The following ACADM variants were observed in gnomAD, a reference collection of about 807,000 sequenced individuals.
ACADM encodes the protein medium-chain specific acyl-CoA dehydrogenase, mitochondrial.
A neutral mutation model predicts 58.9 loss-of-function variants in ACADM; 49 were observed. The ratio of observed to expected loss-of-function variants is 0.83; its 90% CI spans 0.66 to 1.06. The LOEUF is 1.06. Among genes scored for constraint, ACADM ranks in the 50% least tolerant of loss-of-function variants. The pLI is 0.00. For synonymous variants in ACADM, 160 were observed against 157.7 expected, an observed-to-expected ratio of 1.01 and a Z score of -0.11; for missense variants, 496 against 507.0, an observed-to-expected ratio of 0.98 and a Z score of 0.21.
intron 8 of ACADM, among the ~76,000 whole-genome samples, chr1:75,746,318 CAT>C (rs1004855555): frequency 2.4e-4 from 37 of 152,186 alleles, no homozygotes; most frequent in African/African-American, 8.2e-4. Context: ...AACAATGTGA[CAT>C]AACTGAGATT....
chr1:75,743,282 A>G (rs763641838), intron 7 of ACADM: 66 of 903,278 alleles, frequency 7.3e-5, no homozygotes, highest in Non-Finnish European at 1.1e-4. Context: ...ACTGCTGGTT[A>G]CATAGTGCTC....
rs1248069972 is a variant in ACADM, at chr1:75,749,536, G to A, written c.826G>A (p.Ala276Thr). The A allele has an allele frequency of 1.9e-6, 3 of 1,613,954 alleles. No individual in the cohort carries two copies. The highest frequency in any genetic ancestry group is 1.1e-5 in the South Asian group (1 of 91,076). The change falls in exon 9 of 12, where the codon GCT becomes ACT. Residue 276 changes from alanine (A) to threonine (T), a missense_variant. Ala to Thr is a moderately conservative substitution (Grantham distance 58). Coordinates refer to ENST00000370841, the MANE Select transcript of ACADM (RefSeq NM_000016.6). ...AGCTGGTTTCAAAGTTGCAATGGGA[G>A]CTTTTGATAAAACCAGACCTGTAGT... ...DGAGFKVAMG[A>T]FDKTRPVVAA...
chr1:75,734,654 G>A (rs1647209628), intron 5 of ACADM, 137 bp from the exon 6 acceptor site: 2 of 663,030 alleles, frequency 3.0e-6, no homozygotes, highest in East Asian at 2.8e-5. Context: ...CTAACTTAGA[G>A]GCAAGGTATA....
chr1:75,734,785 C>A lies in ACADM; in HGVS notation c.388-6C>A. 6.2e-7 allele frequency: 1 copy of A among 1,607,782 alleles called. No homozygotes were observed. Among genetic ancestry groups the A allele is most frequent in the South Asian group, 1.1e-5 (1 of 90,778 alleles). ...TTGATTTTTTAATGTCAATTTTCTTCGGTAGCAAATGCCTATTATTATTGC... is the reference window on the plus strand; with the variant it reads ...TTGATTTTTTAATGTCAATTTTCTTAGGTAGCAAATGCCTATTATTATTGC... On this transcript the variant is annotated splice_polypyrimidine_tract_variant and splice_region_variant and intron_variant, in intron 5 of 11. Coordinates refer to ENST00000370841, the MANE Select transcript of ACADM (RefSeq NM_000016.6).
chr1:75,737,889 T>C (rs1212219282), intron 6 of ACADM, among the ~76,000 whole-genome samples: 1 of 152,172 alleles, frequency 6.6e-6, no homozygotes, highest in Non-Finnish European at 1.5e-5. Flanking sequence ...TATATTGCCC[T>C]TCAGATGTTT....
In ACADM at chr1:75,749,545, A is replaced by G. The variant is rs757004090; in HGVS notation, c.835A>G (p.Lys279Glu). ...CAAAGTTGCAATGGGAGCTTTTGAT[A>G]AAACCAGACCTGTAGTAAGTAATAT... ...GFKVAMGAFDKTRPVVAAGAV... is the reference protein window; with the variant it reads ...GFKVAMGAFDETRPVVAAGAV... Residue 279 changes from lysine to glutamate, a missense_variant, in exon 9 of 12, where the codon AAA becomes GAA. Transcript: ENST00000370841. 5 of 1,614,044 alleles carry G rather than the reference A, an allele frequency of 3.1e-6. No homozygotes were observed. In the South Asian group the frequency reaches 5.5e-5, roughly 18 times the overall value.
intron 7 of ACADM, 37 bp downstream of exon 7, chr1:75,740,147 A>G: frequency 6.4e-7 from 1 of 1,573,960 alleles, no homozygotes; most frequent in Non-Finnish European, 8.7e-7. Context: ...ATTTTTTCTT[A>G]ATTGTTTTAT....
At chr1:75,753,544 A>C (rs1648322283) in intron 10 of ACADM, among the ~76,000 whole-genome samples, 1 of 151,754 alleles carries the variant, frequency 6.6e-6, no homozygotes, top group Admixed American at 6.6e-5. Flanking sequence ...CTTTTCAGTG[A>C]AGATCTGTCA....
intron 10 of ACADM, among the ~76,000 whole-genome samples, chr1:75,753,437 G>A (rs890604801): frequency 6.7e-6 from 1 of 150,228 alleles, no homozygotes; most frequent in African/African-American, 2.4e-5. Flanking sequence ...TCTTAACCAA[G>A]TATTTCTTTG....
chr1:75,743,578 T>G, intron 7 of ACADM: 1 of 1,585,498 alleles, frequency 6.3e-7, no homozygotes, highest in Non-Finnish European at 8.7e-7. Flanking sequence ...CACTGGCTTG[T>G]CAAAGATGCC....
intron 2 of ACADM, among the ~76,000 whole-genome samples, chr1:75,731,066 C>T (rs1165255534): frequency 6.6e-6 from 1 of 151,444 alleles, no homozygotes; most frequent in African/African-American, 2.4e-5. Flanking sequence ...GTGGGCGGAT[C>T]ACGAGGTCAG....
At chr1:75,747,723 G>A (rs1557456314) in intron 8 of ACADM, among the ~76,000 whole-genome samples, 1 of 152,196 alleles carries the variant, frequency 6.6e-6, no homozygotes, top group South Asian at 2.1e-4. Context: ...GGAAGTCAAG[G>A]CTGCAGTGAG....
intron 6 of ACADM, among the ~76,000 whole-genome samples, chr1:75,738,646 T>C (rs1386118962): frequency 6.6e-6 from 1 of 152,224 alleles, no homozygotes; most frequent in Non-Finnish European, 1.5e-5. Flanking sequence ...GTTCTCGGCA[T>C]GTTGACCAGG....
intron 10 of ACADM, among the ~76,000 whole-genome samples, chr1:75,751,973 G>A (rs992302804): frequency 2.7e-5 from 4 of 148,682 alleles, no homozygotes; most frequent in African/African-American, 1.0e-4. Context: ...ACTATGAGTT[G>A]TATAGTGAAC....
intron 10 of ACADM, among the ~76,000 whole-genome samples, chr1:75,760,187 G>A (rs1036749846): frequency 3.3e-5 from 5 of 149,832 alleles, no homozygotes; most frequent in Non-Finnish European, 5.9e-5. Flanking sequence ...TTGGGAGGCT[G>A]AGGCGGGTGG....
At chr1:75,739,928 A>T in intron 6 of ACADM, 52 bp from the exon 7 acceptor site, 2 of 1,413,968 alleles carry the variant, frequency 1.4e-6, no homozygotes, top group African/African-American at 2.9e-5. Flanking sequence ...CAAACAGTCA[A>T]AATTTAATCA....
Position 75,762,850 on chromosome 1 carries a change from A to T in ACADM, c.*87A>T. The T allele has an allele frequency of 1.3e-6, 1 of 798,776 alleles. No individual in the cohort carries two copies. The highest frequency in any genetic ancestry group is 2.1e-6 in the Non-Finnish European group (1 of 481,356). 49.5% of individuals were successfully genotyped at this position (798,776 alleles called of 1,614,324 possible). A position where few individuals can be genotyped will look rare whatever the true frequency, so the allele number is the denominator to read the frequency against. On this transcript the variant is annotated 3_prime_UTR_variant, in exon 12 of 12. Coordinates refer to ENST00000370841, the MANE Select transcript of ACADM (RefSeq NM_000016.6). ...AAGAAAGGGCTTTAACGTTTTTTCCAGTGAAAACAAATCCTCTTATATTAA... is the reference window on the plus strand; with the variant it reads ...AAGAAAGGGCTTTAACGTTTTTTCCTGTGAAAACAAATCCTCTTATATTAA...
chr1:75,761,038 C>A, intron 10 of ACADM, 84 bp from the exon 11 acceptor site: 1 of 1,353,592 alleles, frequency 7.4e-7, no homozygotes, highest in South Asian at 1.3e-5. Flanking sequence ...AAGACCCCGT[C>A]ACTATAAAAA....
At chr1:75,733,176 A>T in intron 4 of ACADM, 1 of 1,612,070 alleles carries the variant, frequency 6.2e-7, no homozygotes, top group Non-Finnish European at 8.5e-7. Flanking sequence ...GAGTTGGTCA[A>T]TTTGTTGTGT....
Sources: allele counts gnomAD v4.1 joint callset (sites outside exome capture counted in the v4.1 genomes callset), GRCh38; gene constraint gnomAD v4.1.1; transcripts MANE v1.5; gene names NCBI Gene and HGNC (gene_info 2026-07-23, HGNC 2026-07-21).